PDZD2: variants seen among roughly 807,000 people sequenced by gnomAD.
PDZD2 encodes the protein PDZ domain containing 2, also known as PDZ domain-containing protein 2.
In PDZD2, 90 loss-of-function variants were observed where a neutral mutation model predicts 220.7. The ratio of observed to expected loss-of-function variants is 0.41; its 90% CI spans 0.34 to 0.49. The LOEUF is 0.49. Among genes scored for constraint, PDZD2 ranks in the 20% least tolerant of loss-of-function variants. PDZD2 has a pLI of 0.28. For missense variants in PDZD2, 3,174 were observed against 3,608.5 expected (o/e 0.88, Z 3.08); for synonymous variants, 1,375 against 1,450.5 (o/e 0.95, Z 1.18).
intron 6 of PDZD2, 178 bp downstream of exon 6, chr5:32,010,660 ATTT>A: frequency 1.4e-6 from 1 of 695,176 alleles, no homozygotes; most frequent in Non-Finnish European, 2.6e-6. Context: ...TGAGGGTGAT[ATTT>A]TTCCTTTAAG....
rs1740802108 is a variant in PDZD2 at position 32,072,096 on chromosome 5, A to G, written c.2569-65A>G. ...AAGTGTTCTTGGAAAGATAGGACGTAATAACCCTTGAAAGTCTGCTTCTGC... is the reference window on the plus strand; with the variant it reads ...AAGTGTTCTTGGAAAGATAGGACGTGATAACCCTTGAAAGTCTGCTTCTGC... On this transcript the variant is annotated intron_variant, in intron 16 of 24. Coordinates refer to ENST00000438447, the MANE Select transcript of PDZD2 (RefSeq NM_178140.4). The G allele has an allele frequency of 6.9e-6, 8 of 1,161,542 alleles. No homozygotes were observed. In the South Asian group the frequency reaches 9.7e-5, roughly 14 times the overall value. The allele number at this position is 1,161,542 out of a possible 1,614,324, so 72.0% of individuals were successfully genotyped here.
intron 17 of PDZD2, among the ~76,000 whole-genome samples, chr5:32,073,230 A>G (rs1488154543): frequency 2.0e-5 from 3 of 152,224 alleles, no homozygotes; most frequent in African/African-American, 4.8e-5. Flanking sequence ...CTGTTCTTAT[A>G]GAAACATTTC....
chr5:31,669,263 G>T (rs1253158073), intron 1 of PDZD2, among the ~76,000 whole-genome samples: 1 of 152,092 alleles, frequency 6.6e-6, no homozygotes, highest in Admixed American at 6.5e-5. Context: ...TTAGGCAGGG[G>T]TAGTTGCATG....
chr5:31,955,813 G>A (rs936907250), intron 2 of PDZD2, among the ~76,000 whole-genome samples: 4 of 151,258 alleles, frequency 2.6e-5, no homozygotes, highest in African/African-American at 4.9e-5. Context: ...TTGCTGTGTC[G>A]AAGTTTGGGT....
At chr5:31,976,958 C>T (rs1379608364) in intron 2 of PDZD2, among the ~76,000 whole-genome samples, 1 of 151,436 alleles carries the variant, frequency 6.6e-6, no homozygotes, top group Non-Finnish European at 1.5e-5. Flanking sequence ...CCCCATGATC[C>T]ACCCGCCTTG....
intron 1 of PDZD2, among the ~76,000 whole-genome samples, chr5:31,729,208 G>GT (rs1171412392): frequency 2.0e-5 from 3 of 148,684 alleles, no homozygotes; most frequent in Non-Finnish European, 4.5e-5. Context: ...GATTCAGGCA[G>GT]TTCTTAGCCT....
Position 32,001,335 on chromosome 5 carries a change from C to T in PDZD2, c.1254+1064C>T, listed in dbSNP as rs192282993. On this transcript the variant is annotated intron_variant, in intron 5 of 24. Transcript: ENST00000438447. ...GGAAAGGGAAGAGAGGCTCAGGGGC[C>T]GCCGAGGGCAGCCTGTGGCTTCTGC... Among the ~76,000 whole-genome samples the T allele has an allele frequency of 2.0e-3, 304 of 152,292 alleles. 1 individual carries two copies. The highest frequency in any genetic ancestry group is 2.5e-3 in the Non-Finnish European group (170 of 68,024).
At chr5:31,999,524 C>T (rs2111989964) in intron 4 of PDZD2, among the ~76,000 whole-genome samples, 1 of 152,026 alleles carries the variant, frequency 6.6e-6, no homozygotes, top group South Asian at 2.1e-4. Context: ...AAAACAAACA[C>T]ACACAAAAAA....
At chr5:32,100,922 T>C (rs565302109) in intron 23 of PDZD2, 183 bp from the exon 24 acceptor site, 26 of 1,594,986 alleles carry the variant, frequency 1.6e-5, no homozygotes, top group South Asian at 1.6e-4. Context: ...AGCCCCAGAA[T>C]TGGGAGGCCA....
intron 2 of PDZD2, among the ~76,000 whole-genome samples, chr5:31,850,226 G>GTATA (rs752884909): frequency 0.013 from 1,361 of 101,160 alleles, 44 homozygotes; most frequent in African/African-American, 0.048. Flanking sequence ...ATATATATAA[G>GTATA]TATATATATA....
intron 1 of PDZD2, among the ~76,000 whole-genome samples, chr5:31,691,423 G>A (rs1384567235): frequency 6.6e-6 from 1 of 152,118 alleles, no homozygotes; most frequent in Non-Finnish European, 1.5e-5. Context: ...AAGGGGGCCC[G>A]AACAGGTTGC....
At chr5:32,010,928 C>T (rs1753253809) in intron 6 of PDZD2, among the ~76,000 whole-genome samples, 1 of 144,004 alleles carries the variant, frequency 6.9e-6, no homozygotes, top group Non-Finnish European at 1.5e-5. Context: ...GCCCAGGAGG[C>T]AGAGGTTGCA....
At chr5:31,758,989 C>T (rs1006611893) in intron 1 of PDZD2, among the ~76,000 whole-genome samples, 2 of 152,114 alleles carry the variant, frequency 1.3e-5, no homozygotes, top group African/African-American at 4.8e-5. Context: ...CCTCCTCTTC[C>T]ACCTCCATTT....
chr5:31,648,019 G>C (rs1561361559), intron 1 of PDZD2, among the ~76,000 whole-genome samples: 1 of 152,220 alleles, frequency 6.6e-6, no homozygotes, highest in Non-Finnish European at 1.5e-5. Context: ...TGGGGAAATA[G>C]ATGGATGAAA....
intron 6 of PDZD2, among the ~76,000 whole-genome samples, chr5:32,014,693 G>T (rs1753601241): frequency 7.5e-6 from 1 of 133,226 alleles, no homozygotes; most frequent in Non-Finnish European, 1.5e-5. Context: ...TTTCTGCTCT[G>T]CAATGACAAT....
chr5:31,770,680 C>T (rs1239833648), intron 1 of PDZD2, among the ~76,000 whole-genome samples: 1 of 152,170 alleles, frequency 6.6e-6, no homozygotes, highest in Non-Finnish European at 1.5e-5. Flanking sequence ...ATGGCCACCC[C>T]AGAATAGCCT....
At chr5:31,805,263 C>T (rs543543162) in intron 2 of PDZD2, among the ~76,000 whole-genome samples, 54 of 152,296 alleles carry the variant, frequency 3.5e-4, no homozygotes, top group African/African-American at 1.3e-3. Context: ...TTAGCTCTAG[C>T]CAGAGCTTTG....
intron 2 of PDZD2, among the ~76,000 whole-genome samples, chr5:31,939,125 A>G (rs1746007490): frequency 6.6e-6 from 1 of 152,112 alleles, no homozygotes; most frequent in Admixed American, 6.5e-5. Context: ...GCCCCACCAG[A>G]GGTAGGGCCT....
intron 2 of PDZD2, among the ~76,000 whole-genome samples, chr5:31,886,850 A>G (rs1310609180): frequency 1.3e-5 from 2 of 152,048 alleles, no homozygotes; most frequent in African/African-American, 2.4e-5. Flanking sequence ...GGCGCCTGCC[A>G]CCACACCCAG....
Sources: allele counts gnomAD v4.1 joint callset (sites outside exome capture counted in the v4.1 genomes callset), GRCh38; gene constraint gnomAD v4.1.1; transcripts MANE v1.5; gene names NCBI Gene and HGNC (gene_info 2026-07-23, HGNC 2026-07-21).